The following FBLN1 variants were observed in gnomAD, a reference collection of about 807,000 sequenced individuals.
FBLN1 encodes the protein fibulin 1.
A neutral mutation model predicts 89.7 loss-of-function variants in FBLN1; 34 were observed. That is an observed-to-expected ratio of 0.38 (90% CI 0.29 to 0.50). The LOEUF is 0.50. FBLN1 is among the 20% of genes least tolerant of loss of function. FBLN1 has a pLI of 0.92. For synonymous variants in FBLN1, 393 were observed against 391.3 expected (o/e 1.00, Z -0.05); for missense variants, 777 against 988.1 (o/e 0.79, Z 2.86).
At position 45,590,139 on chromosome 22, in the gene FBLN1, GAA is replaced by G. The variant is rs1354927586; in HGVS notation, c.1973-10167_1973-10166del. ...AAGTGCTCTGTGCTTGTCAGATAGA[GAA>G]GAGAGGGCTCTGCTCTGACCTGCAG... On this transcript the variant is annotated intron_variant, in intron 16 of 16. Transcript: ENST00000327858. The surrounding 1 kb of genome is among the most constrained non-coding windows in gnomAD (Gnocchi z 4.1). Among the ~76,000 whole-genome samples, 1 of 152,218 alleles carries G rather than the reference GAA, an allele frequency of 6.6e-6. No homozygotes were observed. The highest frequency in any genetic ancestry group is 2.4e-5 in the African/African-American group (1 of 41,464).
At chr22:45,515,614 C>G (rs188581531) in intron 1 of FBLN1, among the ~76,000 whole-genome samples, 211 of 152,300 alleles carry the variant, frequency 1.4e-3, no homozygotes, top group African/African-American at 4.9e-3. Context: ...CACAGCTCAC[C>G]TGCGGGGGAT....
At chr22:45,504,879 G>A (rs1437759561) in intron 1 of FBLN1, among the ~76,000 whole-genome samples, 2 of 152,312 alleles carry the variant, frequency 1.3e-5, no homozygotes, top group African/African-American at 4.8e-5. Flanking sequence ...CTTTTGGGGA[G>A]AAGTCTCTTT....
At position 45,556,319 on chromosome 22, in the gene FBLN1, T is replaced by C. The variant is rs1000083326; in HGVS notation, c.1697+5704T>C. ...CCATGTTTTTAAAAGAAGGAGGAAA[T>C]ACTCACGACAATTACAGTCCTCGTT... On this transcript the variant is annotated intron_variant, in intron 14 of 16. Coordinates refer to ENST00000327858, the MANE Select transcript of FBLN1 (RefSeq NM_006486.3). The surrounding 1 kb of genome is among the most constrained non-coding windows in gnomAD (Gnocchi z 4.6). 1.3e-5 allele frequency among the ~76,000 whole-genome samples: 2 copies of C among 152,208 alleles called. No individual in the cohort carries two copies. The highest frequency in any genetic ancestry group is 1.3e-4 in the Admixed American group (2 of 15,284).
At chr22:45,559,280 T>C (rs911379271) in intron 14 of FBLN1, among the ~76,000 whole-genome samples, 3 of 152,174 alleles carry the variant, frequency 2.0e-5, no homozygotes, top group Non-Finnish European at 4.4e-5. Context: ...CTTACGATAA[T>C]CCGCTGCCGT....
intron 1 of FBLN1, among the ~76,000 whole-genome samples, chr22:45,507,470 C>T (rs1003758016): frequency 5.3e-5 from 8 of 152,216 alleles, no homozygotes; most frequent in Non-Finnish European, 7.4e-5. Flanking sequence ...TAACCAATGT[C>T]GTCATCTCAG....
In FBLN1 at chr22:45,580,779, C is replaced by T. The variant is rs867810220; in HGVS notation, c.1972+3671C>T. On this transcript the variant is annotated intron_variant, in intron 16 of 16. Coordinates refer to ENST00000327858, the MANE Select transcript of FBLN1 (RefSeq NM_006486.3). The surrounding 1 kb of genome is among the most constrained non-coding windows in gnomAD (Gnocchi z 8.6). ...CGGGGCTCGCCGTGTTCAGTCCTCC[C>T]AGAGTAACAGAAGAAGAGGGAGAAA... Among the ~76,000 whole-genome samples the T allele has an allele frequency of 3.0e-4, 45 of 152,238 alleles. No homozygotes were observed. The highest frequency in any genetic ancestry group is 1.1e-3 in the African/African-American group (44 of 41,558).
At chr22:45,525,905 A>G (rs1308611033) in intron 3 of FBLN1, among the ~76,000 whole-genome samples, 2 of 152,214 alleles carry the variant, frequency 1.3e-5, no homozygotes, top group Non-Finnish European at 2.9e-5. Flanking sequence ...GTCTCCCACG[A>G]GGCCGGGGGG....
rs1247689378 is a variant in FBLN1 at position 45,535,260 on chromosome 22, C to T, written c.845C>T (p.Thr282Ile). 1 of 1,614,156 alleles carries T rather than the reference C, an allele frequency of 6.2e-7. No homozygotes were observed. The highest frequency in any genetic ancestry group is 8.5e-7 in the Non-Finnish European group (1 of 1,180,002). ...NCLPDFICQN[T>I]LGSFRCRPKL... ...CTCCCCGATTTTATCTGTCAGAATA[C>T]TCTGGGATCCTTCCGCTGCCGACCC... Residue 282 changes from threonine (T) to isoleucine (I), a missense_variant, in exon 8 of 17, where the codon ACT becomes ATT. By Grantham distance (89) the Thr-to-Ile change is moderately conservative. Coordinates refer to ENST00000327858, the MANE Select transcript of FBLN1 (RefSeq NM_006486.3).
In FBLN1 at chr22:45,587,776, G is replaced by A. The variant is rs561491205; in HGVS notation, c.1972+10668G>A. Among the ~76,000 whole-genome samples the A allele has an allele frequency of 5.0e-3, 762 of 152,274 alleles. 2 individuals carry two copies. The highest frequency in any genetic ancestry group is 7.5e-3 in the Non-Finnish European group (508 of 68,024). On this transcript the variant is annotated intron_variant, in intron 16 of 16. Transcript: ENST00000327858. Reference sequence around the variant, plus strand: ...CTCTCTCCTCTCCTGGACTGTAGCCGTGACATTCACTTCCTTCTCCTTTTG... The same window carrying A: ...CTCTCTCCTCTCCTGGACTGTAGCCATGACATTCACTTCCTTCTCCTTTTG...
chr22:45,529,460 G>A (rs2088374444), intron 4 of FBLN1, among the ~76,000 whole-genome samples: 1 of 152,224 alleles, frequency 6.6e-6, no homozygotes, highest in African/African-American at 2.4e-5. Flanking sequence ...TTCTTGTGCT[G>A]TAACAGAATT....
At chr22:45,589,740 T>G (rs1281026807) in intron 16 of FBLN1, among the ~76,000 whole-genome samples, 1 of 152,028 alleles carries the variant, frequency 6.6e-6, no homozygotes, top group Non-Finnish European at 1.5e-5. Context: ...CATCAGCCTC[T>G]CCCCTAGCCC....
chr22:45,549,853 C>T lies in FBLN1; in HGVS notation c.1574-639C>T, dbSNP rs1276073299. Among the ~76,000 whole-genome samples the T allele has an allele frequency of 3.9e-5, 6 of 152,210 alleles. No homozygotes were observed. The highest frequency in any genetic ancestry group is 7.3e-5 in the Non-Finnish European group (5 of 68,038). On this transcript the variant is annotated intron_variant, in intron 13 of 16. Transcript: ENST00000327858. This position sits in a 1 kb window ranked among gnomAD's most constrained non-coding sequence, Gnocchi z 5.7. ...AGGCCCCATCCCAGGAGTCCCAGAC[C>T]TGGTGGTTCCAGTCCACCCTGAACA... is the stretch of plus-strand genomic sequence containing the variant.
chr22:45,509,925 G>A lies in FBLN1; in HGVS notation c.79+6861G>A, dbSNP rs951323323. Among the ~76,000 whole-genome samples, 5 of 152,108 alleles carry A rather than the reference G, an allele frequency of 3.3e-5. No homozygotes were observed. In the South Asian group the frequency reaches 8.3e-4, roughly 25 times the overall value. On this transcript the variant is annotated intron_variant, in intron 1 of 16. Coordinates refer to ENST00000327858, the MANE Select transcript of FBLN1 (RefSeq NM_006486.3). The stretch of plus-strand genomic sequence containing the variant: ...CATGATCCTTTTGTGTGGTGAGTCC[G>A]GGAGGCACACAGGATGAAGCCTCAA...
rs1278318717 is a variant in FBLN1 at position 45,556,821 on chromosome 22, C to T, written c.1697+6206C>T. ...GGCGTTCCTCCCTCTGGAACTAAGACCTCTAGGCCAGCAGAACGTAATGTT... is the reference window on the plus strand; with the variant it reads ...GGCGTTCCTCCCTCTGGAACTAAGATCTCTAGGCCAGCAGAACGTAATGTT... On this transcript the variant is annotated intron_variant, in intron 14 of 16. Transcript: ENST00000327858. This position sits in a 1 kb window ranked among gnomAD's most constrained non-coding sequence, Gnocchi z 4.6. Among the ~76,000 whole-genome samples the T allele has an allele frequency of 6.6e-6, 1 of 152,112 alleles. No homozygotes were observed. Among genetic ancestry groups the T allele is most frequent in the African/African-American group, 2.4e-5 (1 of 41,414 alleles).
intron 1 of FBLN1, among the ~76,000 whole-genome samples, chr22:45,510,778 T>G (rs1197874655): frequency 2.7e-5 from 4 of 150,316 alleles, no homozygotes; most frequent in Non-Finnish European, 5.9e-5. Flanking sequence ...TCTGCATGCC[T>G]TGGAACATGG....
chr22:45,575,913 G>T lies in FBLN1; in HGVS notation c.1841-1064G>T, dbSNP rs942413369. Among the ~76,000 whole-genome samples, 1 of 152,172 alleles carries T rather than the reference G, an allele frequency of 6.6e-6. No individual in the cohort carries two copies. Among genetic ancestry groups the T allele is most frequent in the Non-Finnish European group, 1.5e-5 (1 of 68,014 alleles). On this transcript the variant is annotated intron_variant, in intron 15 of 16. Transcript: ENST00000327858. The surrounding 1 kb of genome is among the most constrained non-coding windows in gnomAD (Gnocchi z 6.3). ...ATGAGTTCATTCAGCAGCCGTGGAC[G>T]GAGCCCCTCTGTGTCAGGCTCTAGG... is the stretch of plus-strand genomic sequence containing the variant.
chr22:45,557,220 C>A lies in FBLN1; in HGVS notation c.1697+6605C>A, dbSNP rs1266883742. Among the ~76,000 whole-genome samples the A allele has an allele frequency of 1.3e-5, 2 of 152,172 alleles. No homozygotes were observed. The highest frequency in any genetic ancestry group is 1.9e-4 in the East Asian group (1 of 5,196). Reference sequence around the variant, plus strand: ...GTCAGAGGCAATGCTGTGTGGAATACCATGAGGGTGGATAAGGCATTCTGT... The same window carrying A: ...GTCAGAGGCAATGCTGTGTGGAATAACATGAGGGTGGATAAGGCATTCTGT... On this transcript the variant is annotated intron_variant, in intron 14 of 16. Transcript: ENST00000327858. The surrounding 1 kb of genome is among the most constrained non-coding windows in gnomAD (Gnocchi z 4.9).
At chr22:45,516,060 C>T (rs2088165778) in intron 1 of FBLN1, among the ~76,000 whole-genome samples, 1 of 151,976 alleles carries the variant, frequency 6.6e-6, no homozygotes, top group Admixed American at 6.6e-5. Context: ...GAGAGACATG[C>T]GCCAGGCACG....
rs2089108569 is a variant in FBLN1, at chr22:45,588,654, T to A, written c.1972+11546T>A. 7.9e-6 allele frequency among the ~76,000 whole-genome samples: 1 copy of A among 126,672 alleles called. No individual in the cohort carries two copies. The highest frequency in any genetic ancestry group is 2.5e-4 in the South Asian group (1 of 3,966). 83.1% of individuals were successfully genotyped at this position (126,672 alleles called of 152,430 possible). On this transcript the variant is annotated intron_variant, in intron 16 of 16. Coordinates refer to ENST00000327858, the MANE Select transcript of FBLN1 (RefSeq NM_006486.3). This position sits in a 1 kb window ranked among gnomAD's most constrained non-coding sequence, Gnocchi z 5.1. ...AGGGGCTGGGAACAGCCTCTTAGTC[T>A]CCAGAGCCTCCCGCAGGAATGATTT...
Sources: allele counts gnomAD v4.1 joint callset (sites outside exome capture counted in the v4.1 genomes callset), GRCh38; gene constraint gnomAD v4.1.1; non-coding constraint Gnocchi (gnomAD v3.1); transcripts MANE v1.5; gene names NCBI Gene and HGNC (gene_info 2026-07-23, HGNC 2026-07-21).